Variants in ATXN7L1 observed in about 807,000 individuals in gnomAD.
ATXN7L1 encodes ataxin-7-like protein 1.
Under a neutral mutation model 70.8 loss-of-function variants are expected in ATXN7L1, and 15 were observed. That is an observed-to-expected ratio of 0.21 (90% CI 0.14 to 0.33). The LOEUF (loss-of-function observed/expected upper bound fraction) is 0.33. ATXN7L1 is among the 10% of genes least tolerant of loss of function. ATXN7L1 has a pLI of 1.00. For missense variants in ATXN7L1, 975 were observed against 1,097.1 expected (o/e 0.89, Z 1.57); for synonymous variants, 440 against 445.1 (o/e 0.99, Z 0.14).
chr7:105,757,195 T>C (rs1799908615), intron 3 of ATXN7L1, among the ~76,000 whole-genome samples: 1 of 151,864 alleles, frequency 6.6e-6, no homozygotes, highest in Non-Finnish European at 1.5e-5. Flanking sequence ...CTAGGGATTG[T>C]ATTTTTGAAA....
intron 4 of ATXN7L1, among the ~76,000 whole-genome samples, chr7:105,659,930 C>G (rs1411062017): frequency 6.6e-6 from 1 of 151,078 alleles, no homozygotes; most frequent in Non-Finnish European, 1.5e-5. Flanking sequence ...ACTTCAAAAT[C>G]CACTGACTTC....
intron 8 of ATXN7L1, among the ~76,000 whole-genome samples, chr7:105,621,415 T>C (rs1253651869): frequency 6.6e-6 from 1 of 152,202 alleles, no homozygotes; most frequent in African/African-American, 2.4e-5. Flanking sequence ...GATGCCTACA[T>C]ACCTGATTCG....
intron 2 of ATXN7L1, among the ~76,000 whole-genome samples, chr7:105,858,836 C>G (rs1288362206): frequency 2.0e-5 from 3 of 151,888 alleles, no homozygotes; most frequent in Non-Finnish European, 4.4e-5. Context: ...CAAGACAGAC[C>G]AGAACAGGAA....
chr7:105,720,371 TA>T (rs34307568), intron 3 of ATXN7L1, among the ~76,000 whole-genome samples: 2 of 150,890 alleles, frequency 1.3e-5, no homozygotes, highest in African/African-American at 2.4e-5. Context: ...CCATCTCTAC[TA>T]AAAAAAAATA....
intron 3 of ATXN7L1, among the ~76,000 whole-genome samples, chr7:105,726,313 G>A (rs1795812038): frequency 6.6e-6 from 1 of 152,082 alleles, no homozygotes; most frequent in African/African-American, 2.4e-5. Context: ...GAAGGCTCTA[G>A]GAGCATACCT....
intron 3 of ATXN7L1, among the ~76,000 whole-genome samples, chr7:105,715,669 A>C (rs1361576101): frequency 1.3e-5 from 2 of 152,236 alleles, no homozygotes; most frequent in African/African-American, 4.8e-5. Context: ...AAGGAAATTC[A>C]CATTTAAGCA....
At chr7:105,694,917 C>G (rs998375928) in intron 3 of ATXN7L1, among the ~76,000 whole-genome samples, 1 of 152,242 alleles carries the variant, frequency 6.6e-6, no homozygotes, top group Non-Finnish European at 1.5e-5. Flanking sequence ...CTTTGGAAGG[C>G]TGAGGCGGTG....
intron 3 of ATXN7L1, among the ~76,000 whole-genome samples, chr7:105,729,863 G>T (rs1028485641): frequency 6.6e-6 from 1 of 151,800 alleles, no homozygotes; most frequent in African/African-American, 2.4e-5. Context: ...TCAGCCTCCC[G>T]AGTAGCTGGG....
At chr7:105,830,950 C>T (rs740307) in intron 2 of ATXN7L1, among the ~76,000 whole-genome samples, 84,908 of 152,108 alleles carry the variant, frequency 0.56, 24,359 homozygotes, top group East Asian at 0.95. Context: ...TCTCAATCTA[C>T]GTCCACAGGA....
intron 2 of ATXN7L1, among the ~76,000 whole-genome samples, chr7:105,819,290 A>G (rs1378987630): frequency 6.6e-6 from 1 of 152,176 alleles, no homozygotes; most frequent in Non-Finnish European, 1.5e-5. Context: ...TAACCCTTCA[A>G]AGAGTGATAG....
chr7:105,841,986 G>C (rs967607759), intron 2 of ATXN7L1, among the ~76,000 whole-genome samples: 1 of 152,156 alleles, frequency 6.6e-6, no homozygotes, highest in Non-Finnish European at 1.5e-5. Context: ...GGGTGCTCCA[G>C]GCTGAGGAAC....
At chr7:105,686,021 G>A (rs1173927692) in intron 3 of ATXN7L1, among the ~76,000 whole-genome samples, 3 of 152,098 alleles carry the variant, frequency 2.0e-5, no homozygotes, top group African/African-American at 7.2e-5. Flanking sequence ...CCTCTGAGAA[G>A]AGAGCAGCAT....
chr7:105,607,693 T>C lies in ATXN7L1; in HGVS notation c.*159A>G, dbSNP rs184548519. 8 of 581,608 alleles carry C rather than the reference T, an allele frequency of 1.4e-5. No homozygotes were observed. The Admixed American group carries it at 1.8e-4, about 13-fold the overall frequency. The allele number at this position is 581,608 out of a possible 1,614,324, so 36.0% of individuals were successfully genotyped here. A position where few individuals can be genotyped will look rare whatever the true frequency, so the allele number is the denominator to read the frequency against. Reference sequence around the variant, plus strand: ...CTTCTTTTGCCTTTTTAACTAAAAATTGGTCAATTAAAAAAAGAAGAAGAA... The same window carrying C: ...CTTCTTTTGCCTTTTTAACTAAAAACTGGTCAATTAAAAAAAGAAGAAGAA... On this transcript the variant is annotated 3_prime_UTR_variant, in exon 12 of 12. Coordinates refer to ENST00000419735, the MANE Select transcript of ATXN7L1 (RefSeq NM_020725.2).
At chr7:105,751,677 T>G (rs1036731296) in intron 3 of ATXN7L1, among the ~76,000 whole-genome samples, 39 of 152,244 alleles carry the variant, frequency 2.6e-4, no homozygotes, top group Admixed American at 1.5e-3. Context: ...GGTCATTTGA[T>G]AGCTGGATTT....
At chr7:105,749,968 C>T (rs1584915828) in intron 3 of ATXN7L1, among the ~76,000 whole-genome samples, 1 of 151,898 alleles carries the variant, frequency 6.6e-6, no homozygotes, top group Non-Finnish European at 1.5e-5. Flanking sequence ...CTGCACTATG[C>T]ACCTGCACGA....
intron 2 of ATXN7L1, among the ~76,000 whole-genome samples, chr7:105,858,951 A>G (rs972241806): frequency 2.2e-4 from 33 of 152,100 alleles, no homozygotes; most frequent in African/African-American, 8.0e-4. Context: ...GGGGAGGGAC[A>G]CTGTTCTAGA....
chr7:105,876,022 T>C, intron 1 of ATXN7L1, 142 bp from the exon 2 acceptor site: 1 of 838,144 alleles, frequency 1.2e-6, no homozygotes, highest in South Asian at 1.7e-5. Flanking sequence ...AAATTGACAA[T>C]GCAACATTTT....
intron 2 of ATXN7L1, among the ~76,000 whole-genome samples, chr7:105,796,603 A>T (rs964579449): frequency 1.3e-5 from 2 of 152,324 alleles, no homozygotes; most frequent in Admixed American, 6.5e-5. Flanking sequence ...CAGCAACTGT[A>T]GTTCAAGGAT....
At chr7:105,787,726 C>CT (rs1015671381) in intron 3 of ATXN7L1, among the ~76,000 whole-genome samples, 39 of 152,066 alleles carry the variant, frequency 2.6e-4, no homozygotes, top group African/African-American at 8.2e-4. Context: ...ATTGCTTTGA[C>CT]TTTTTTTAGG....
Sources: allele counts gnomAD v4.1 joint callset (sites outside exome capture counted in the v4.1 genomes callset), GRCh38; gene constraint gnomAD v4.1.1; transcripts MANE v1.5; gene names NCBI Gene and HGNC (gene_info 2026-07-23, HGNC 2026-07-21).